GRID1: variants seen among roughly 807,000 people sequenced by gnomAD.
GRID1 encodes the protein glutamate ionotropic receptor delta type subunit 1.
A neutral mutation model predicts 98.0 loss-of-function variants in GRID1; 28 were observed. That is an observed-to-expected ratio of 0.29 (90% CI 0.21 to 0.39). GRID1 has a LOEUF of 0.39. Among genes scored for constraint, GRID1 ranks in the 10% least tolerant of loss-of-function variants. The probability of loss-of-function intolerance (pLI) is 1.00; values close to 1 mark genes in which losing one functional copy is unlikely to be tolerated. For synonymous variants in GRID1, 553 were observed against 538.5 expected (o/e 1.03, Z -0.37); for missense variants, 1,111 against 1,340.5 (o/e 0.83, Z 2.67).
intron 4 of GRID1, among the ~76,000 whole-genome samples, chr10:85,940,642 A>G (rs919603544): frequency 6.6e-6 from 1 of 152,244 alleles, no homozygotes; most frequent in Non-Finnish European, 1.5e-5. Context: ...TACTGCTTCC[A>G]TAATAACTCA....
At chr10:85,936,248 T>C (rs1841923840) in intron 4 of GRID1, among the ~76,000 whole-genome samples, 1 of 152,238 alleles carries the variant, frequency 6.6e-6, no homozygotes, top group Non-Finnish European at 1.5e-5. Context: ...TTAATTCTTC[T>C]AAGGCTTTTA....
rs375061498 is a variant in GRID1, at chr10:86,183,508, C to T, written c.520+22856G>A. ...CCAAGTAGCTAGGATTACAGGCATG[C>T]GCCACCATACCCCGCTGATTTTGTC... On this transcript the variant is annotated intron_variant, in intron 3 of 15. Coordinates refer to ENST00000327946, the MANE Select transcript of GRID1 (RefSeq NM_017551.3). 9.2e-5 allele frequency among the ~76,000 whole-genome samples: 14 copies of T among 152,202 alleles called. No homozygotes were observed. In the East Asian group the frequency reaches 1.4e-3, roughly 15 times the overall value.
At chr10:86,262,843 G>A (rs1359173490) in intron 2 of GRID1, among the ~76,000 whole-genome samples, 1 of 152,164 alleles carries the variant, frequency 6.6e-6, no homozygotes, top group African/African-American at 2.4e-5. Context: ...TTACCATGGA[G>A]GCTTGGCGAC....
At chr10:86,087,444 G>A (rs916409425) in intron 4 of GRID1, among the ~76,000 whole-genome samples, 2 of 150,168 alleles carry the variant, frequency 1.3e-5, no homozygotes, top group African/African-American at 4.9e-5. Flanking sequence ...GACCTGTTGT[G>A]ATAGGTTGTT....
intron 5 of GRID1, among the ~76,000 whole-genome samples, chr10:85,880,820 A>C (rs1840996723): frequency 6.6e-6 from 1 of 152,200 alleles, no homozygotes; most frequent in South Asian, 2.1e-4. Context: ...TTAGGAAAAG[A>C]GTAAGTCAAA....
chr10:86,059,710 G>A (rs1013762192), intron 4 of GRID1, among the ~76,000 whole-genome samples: 5 of 152,158 alleles, frequency 3.3e-5, no homozygotes, highest in African/African-American at 9.7e-5. Flanking sequence ...TGATGGAATC[G>A]TTAAAAGAGA....
At chr10:86,203,459 C>T (rs1845981521) in intron 3 of GRID1, among the ~76,000 whole-genome samples, 1 of 151,736 alleles carries the variant, frequency 6.6e-6, no homozygotes, top group African/African-American at 2.4e-5. Flanking sequence ...GCTCACTTGA[C>T]ACAAGCATGT....
chr10:85,715,866 A>T (rs909679122), intron 12 of GRID1, among the ~76,000 whole-genome samples: 3 of 152,078 alleles, frequency 2.0e-5, no homozygotes, highest in Non-Finnish European at 4.4e-5. Flanking sequence ...TACCATGTTC[A>T]TTGCAGCATT....
intron 2 of GRID1, among the ~76,000 whole-genome samples, chr10:86,235,458 T>C (rs1254543178): frequency 1.3e-5 from 2 of 152,226 alleles, no homozygotes; most frequent in East Asian, 3.8e-4. Context: ...TTTTAGCAAA[T>C]TTATACAATT....
chr10:85,603,778 C>G (rs1182761000), intron 15 of GRID1, among the ~76,000 whole-genome samples: 3 of 152,168 alleles, frequency 2.0e-5, no homozygotes, highest in Non-Finnish European at 4.4e-5. Flanking sequence ...ACCTTTCCCT[C>G]ACCTCAAACT....
At chr10:86,111,463 A>G (rs1844483065) in intron 4 of GRID1, among the ~76,000 whole-genome samples, 3 of 152,188 alleles carry the variant, frequency 2.0e-5, no homozygotes, top group South Asian at 2.1e-4. Context: ...TTTTGCCCCA[A>G]TCACTGAAGT....
chr10:86,228,484 C>T (rs1198150023), intron 2 of GRID1, among the ~76,000 whole-genome samples: 2 of 152,080 alleles, frequency 1.3e-5, no homozygotes, highest in Non-Finnish European at 2.9e-5. Flanking sequence ...AGCCTGCAGC[C>T]GCTGCCTTCC....
chr10:86,330,105 G>T (rs896498225), intron 2 of GRID1, among the ~76,000 whole-genome samples: 1 of 151,998 alleles, frequency 6.6e-6, no homozygotes, highest in Non-Finnish European at 1.5e-5. Context: ...TATCATGGAC[G>T]AGACCGTGAC....
At chr10:86,182,710 C>T (rs749460214) in intron 3 of GRID1, among the ~76,000 whole-genome samples, 3 of 152,192 alleles carry the variant, frequency 2.0e-5, no homozygotes, top group Non-Finnish European at 2.9e-5. Flanking sequence ...CATTGCATTT[C>T]GGGTCCCTGC....
At chr10:86,089,175 A>G (rs1404847200) in intron 4 of GRID1, among the ~76,000 whole-genome samples, 2 of 152,182 alleles carry the variant, frequency 1.3e-5, no homozygotes, top group Non-Finnish European at 2.9e-5. Flanking sequence ...CCACTGCCAT[A>G]AAGAGTTCAC....
chr10:86,142,736 G>A (rs1274101817), intron 3 of GRID1, among the ~76,000 whole-genome samples: 1 of 152,248 alleles, frequency 6.6e-6, no homozygotes, highest in Non-Finnish European at 1.5e-5. Flanking sequence ...GAGTCCATGA[G>A]TATGGTAGGG....
intron 12 of GRID1, among the ~76,000 whole-genome samples, chr10:85,663,376 C>T (rs7920779): frequency 0.015 from 2,357 of 152,272 alleles, 50 homozygotes; most frequent in African/African-American, 0.054. Flanking sequence ...AAATTGCCAG[C>T]CACTGTCAAA....
At chr10:85,987,300 C>T (rs566444510) in intron 4 of GRID1, among the ~76,000 whole-genome samples, 1 of 150,136 alleles carries the variant, frequency 6.7e-6, no homozygotes, top group South Asian at 2.2e-4. Flanking sequence ...ACCTCCCCTC[C>T]CCCAGTCTCA....
At chr10:86,080,071 C>T (rs1042619452) in intron 4 of GRID1, among the ~76,000 whole-genome samples, 12 of 152,070 alleles carry the variant, frequency 7.9e-5, no homozygotes, top group African/African-American at 2.4e-4. Context: ...CGGTGGCTCA[C>T]GCCTGTAATC....
Sources: gnomAD v4.1 joint callset for allele counts (sites outside exome capture counted in the v4.1 genomes callset) on GRCh38, gnomAD v4.1.1 for gene constraint, MANE v1.5 for transcripts, NCBI Gene and HGNC (gene_info 2026-07-23, HGNC 2026-07-21) for gene names.